Variants in ADGRL2 observed in about 807,000 individuals in gnomAD.
ADGRL2 encodes the protein calcium-independent alpha-latrotoxin receptor 2.
In ADGRL2, 44 loss-of-function variants were observed where a neutral mutation model predicts 157.4. The ratio of observed to expected loss-of-function variants is 0.28; its 90% confidence interval spans 0.22 to 0.36. The LOEUF (loss-of-function observed/expected upper bound fraction) is 0.36, where lower values mean the gene tolerates loss of function less well. Ranked by LOEUF, ADGRL2 falls within the 10% of genes least tolerant of loss-of-function variation. The pLI, the probability that ADGRL2 is intolerant of heterozygous loss-of-function variation, is 1.00. For synonymous variants in ADGRL2, 585 were observed against 624.7 expected, an observed-to-expected ratio of 0.94 and a Z score of 0.95; for missense variants, 1,510 against 1,768.9, an observed-to-expected ratio of 0.85 and a Z score of 2.63.
chr1:81,361,708 T>C (rs999842554), intron 1 of ADGRL2, among the ~76,000 whole-genome samples: 7 of 151,984 alleles, frequency 4.6e-5, no homozygotes, highest in African/African-American at 1.7e-4. Context: ...ATAGAAACTT[T>C]CCTTAAAGTA....
intron 3 of ADGRL2, among the ~76,000 whole-genome samples, chr1:81,926,487 CA>C (rs1438819914): frequency 6.6e-6 from 1 of 151,982 alleles, no homozygotes; most frequent in African/African-American, 2.4e-5. Context: ...TAGGGCATCC[CA>C]TAGCGATTTC....
chr1:81,837,679 C>A (rs963721218), intron 2 of ADGRL2, among the ~76,000 whole-genome samples: 1 of 151,814 alleles, frequency 6.6e-6, no homozygotes, highest in Non-Finnish European at 1.5e-5. Context: ...GTGTATTTTT[C>A]AAGACAGACC....
At chr1:81,340,122 A>G (rs995792330) in intron 1 of ADGRL2, among the ~76,000 whole-genome samples, 4 of 152,188 alleles carry the variant, frequency 2.6e-5, no homozygotes, top group African/African-American at 9.7e-5. Context: ...TTTTAATCAT[A>G]CTATATTTGC....
chr1:81,824,639 C>G (rs1302701168), intron 1 of ADGRL2, among the ~76,000 whole-genome samples: 1 of 152,138 alleles, frequency 6.6e-6, no homozygotes, highest in African/African-American at 2.4e-5. Context: ...AACCCAATAG[C>G]AACTACTGTA....
chr1:81,427,096 A>C (rs2101589610), intron 1 of ADGRL2: 2 of 1,467,486 alleles, frequency 1.4e-6, no homozygotes, highest in Middle Eastern at 3.4e-4. Context: ...TTTCTAAACA[A>C]GAGATGCAGT....
At chr1:81,771,765 C>T (rs371424037) in intron 2 of ADGRL2, among the ~76,000 whole-genome samples, 146 of 151,908 alleles carry the variant, frequency 9.6e-4, no homozygotes, top group African/African-American at 3.4e-3. Context: ...CAGGAGTATA[C>T]GCCCACAGTT....
At chr1:81,345,303 C>G (rs1157953947) in intron 1 of ADGRL2, among the ~76,000 whole-genome samples, 3 of 152,160 alleles carry the variant, frequency 2.0e-5, no homozygotes, top group Non-Finnish European at 4.4e-5. Context: ...GCTGCATTCT[C>G]TCTCTCTCTC....
At chr1:81,977,905 A>C (rs531069886) in intron 17 of ADGRL2, among the ~76,000 whole-genome samples, 1 of 151,880 alleles carries the variant, frequency 6.6e-6, no homozygotes, top group South Asian at 2.1e-4. Context: ...CAAAGGGAGA[A>C]CAATTTAAAG....
chr1:81,714,487 C>G (rs916609077), intron 1 of ADGRL2, among the ~76,000 whole-genome samples: 2 of 152,052 alleles, frequency 1.3e-5, no homozygotes, highest in African/African-American at 4.8e-5. Context: ...AGGGAGAAGG[C>G]ATATATGTAT....
chr1:81,745,555 C>T (rs1288165887), intron 1 of ADGRL2, among the ~76,000 whole-genome samples: 1 of 152,020 alleles, frequency 6.6e-6, no homozygotes, highest in East Asian at 1.9e-4. Context: ...AAAACAGAGC[C>T]CAGCTGTTAG....
At chr1:81,401,987 G>A (rs2101272853) in intron 1 of ADGRL2, among the ~76,000 whole-genome samples, 1 of 152,204 alleles carries the variant, frequency 6.6e-6, no homozygotes, top group East Asian at 1.9e-4. Flanking sequence ...GTAATTGTTT[G>A]TTTGTTTGTT....
chr1:81,614,289 G>C (rs1266581160), intron 3 of ADGRL2, among the ~76,000 whole-genome samples: 1 of 152,134 alleles, frequency 6.6e-6, no homozygotes, highest in Non-Finnish European at 1.5e-5. Context: ...CAAAAAAGAT[G>C]TTACTCGATG....
At chr1:81,879,459 C>CT (rs1388933780) in intron 2 of ADGRL2, among the ~76,000 whole-genome samples, 3 of 150,684 alleles carry the variant, frequency 2.0e-5, no homozygotes, top group African/African-American at 4.9e-5. Flanking sequence ...CTCTTAAGCC[C>CT]TTTTTTTAAA....
intron 3 of ADGRL2, among the ~76,000 whole-genome samples, chr1:81,927,520 G>A (rs1296973672): frequency 6.6e-6 from 1 of 151,836 alleles, no homozygotes; most frequent in African/African-American, 2.4e-5. Context: ...CCCAAATTAT[G>A]TATCTCTGTG....
At chr1:81,909,152 A>G (rs1479080347) in intron 3 of ADGRL2, among the ~76,000 whole-genome samples, 1 of 152,206 alleles carries the variant, frequency 6.6e-6, no homozygotes, top group Non-Finnish European at 1.5e-5. Flanking sequence ...CTAGGATTAC[A>G]GATGTGAGTT....
intron 2 of ADGRL2, among the ~76,000 whole-genome samples, chr1:81,488,204 A>T (rs2078550404): frequency 6.6e-6 from 1 of 152,230 alleles, no homozygotes. Flanking sequence ...TTTGAAAGTG[A>T]CTATGTATGT....
chr1:81,873,309 A>G (rs550236603), intron 2 of ADGRL2, among the ~76,000 whole-genome samples: 1 of 152,260 alleles, frequency 6.6e-6, no homozygotes, highest in South Asian at 2.1e-4. Context: ...ATAAAGGATT[A>G]TCATTAGCCT....
intron 2 of ADGRL2, among the ~76,000 whole-genome samples, chr1:81,785,060 C>T (rs148208660): frequency 1.9e-4 from 29 of 152,056 alleles, no homozygotes; most frequent in Non-Finnish European, 2.6e-4. Flanking sequence ...ATTTCTATTA[C>T]GAAGGGGATC....
rs556017591 is a variant in ADGRL2, at chr1:81,614,795, C to A, written c.-143+33815C>A. ...ATCCGAGCACTTTGGGAAGCGGAGG[C>A]AGATGTTCAAGACCAGCCTGGGCAA... On this transcript the variant is annotated intron_variant, in intron 3 of 24. Transcript: ENST00000370721. 3.3e-5 allele frequency among the ~76,000 whole-genome samples: 5 copies of A among 151,340 alleles called. No individual in the cohort carries two copies. In the South Asian group the frequency reaches 1.0e-3, roughly 32 times the overall value.
Sources: allele counts gnomAD v4.1 joint callset (sites outside exome capture counted in the v4.1 genomes callset), GRCh38; gene constraint gnomAD v4.1.1; transcripts MANE v1.5; gene names NCBI Gene and HGNC (gene_info 2026-07-23, HGNC 2026-07-21).